JOSD1: variants seen among roughly 807,000 people sequenced by gnomAD.
The protein encoded by JOSD1 is Josephin domain containing 1, also known as josephin-1.
A neutral mutation model predicts 24.3 loss-of-function variants in JOSD1; 11 were observed. The observed-to-expected ratio is 0.45, with a 90% CI of 0.29 to 0.75. The LOEUF (loss-of-function observed/expected upper bound fraction) is 0.75, where lower values mean the gene tolerates loss of function less well. Among genes scored for constraint, JOSD1 ranks in the 30% least tolerant of loss-of-function variants. JOSD1 has a pLI of 0.11. For missense variants in JOSD1, 184 were observed against 253.5 expected (o/e 0.73, Z 1.86); for synonymous variants, 106 against 93.8 (o/e 1.13, Z -0.75).
At position 38,700,632 on chromosome 22, in the gene JOSD1, G is replaced by A; in HGVS notation, c.-631-14C>T. ...CTGGCCGCGGCCCTGCGGAGGAGGA[G>A]ACAACTCCGGTCAGCGGCGAGCGGG... On this transcript the variant is annotated splice_polypyrimidine_tract_variant and intron_variant, in intron 1 of 4. Transcript: ENST00000683374. 6.1e-6 allele frequency: 6 copies of A among 984,358 alleles called. No homozygotes were observed. Among genetic ancestry groups the A allele is most frequent in the Non-Finnish European group, 7.2e-6 (6 of 828,996 alleles). 61.0% of individuals were successfully genotyped at this position (984,358 alleles called of 1,614,324 possible). A position where few individuals can be genotyped will look rare whatever the true frequency, so the allele number is the denominator to read the frequency against.
upstream of JOSD1, chr22:38,700,959 C>A (rs2092567775): frequency 1.0e-6 from 1 of 984,816 alleles, no homozygotes; most frequent in South Asian, 4.7e-5. Context: ...CGGGCGGGCG[C>A]GCGCACCTGA....
chr22:38,698,180 G>A (rs1219770352), intron 2 of JOSD1, among the ~76,000 whole-genome samples: 1 of 152,168 alleles, frequency 6.6e-6, no homozygotes, highest in Non-Finnish European at 1.5e-5. Flanking sequence ...CATGTACTGG[G>A]TCCTCCTTTC....
rs2092503847 is a variant in JOSD1 at position 38,687,704 on chromosome 22, T to C, written c.*198A>G. ...ACTGGCCTTAAGTGCACAGAACTCC[T>C]ACCTTCCTTGCCCAGGAACAAAACA... On this transcript the variant is annotated 3_prime_UTR_variant, in exon 5 of 5. Coordinates refer to ENST00000683374, the MANE Select transcript of JOSD1 (RefSeq NM_001360236.2). 2 of 556,636 alleles carry C rather than the reference T, an allele frequency of 3.6e-6. No homozygotes were observed. The highest frequency in any genetic ancestry group is 3.3e-5 in the Admixed American group (1 of 30,178). The allele number at this position is 556,636 out of a possible 1,614,324, so 34.5% of individuals were successfully genotyped here.
intron 2 of JOSD1, among the ~76,000 whole-genome samples, chr22:38,699,193 C>T (rs1224721896): frequency 6.6e-6 from 1 of 152,242 alleles, no homozygotes; most frequent in Non-Finnish European, 1.5e-5. Flanking sequence ...TATTACCTGA[C>T]CTTTCTGCCT....
chr22:38,696,857 GCTT>G (rs953443729), intron 2 of JOSD1, among the ~76,000 whole-genome samples: 4 of 152,126 alleles, frequency 2.6e-5, no homozygotes, highest in Admixed American at 6.5e-5. Flanking sequence ...TTTGTATTTT[GCTT>G]CTTTTTTCTG....
At chr22:38,689,257 C>T (rs140280253) in intron 3 of JOSD1, 39 bp downstream of exon 3, 338 of 1,613,592 alleles carry the variant, frequency 2.1e-4, no homozygotes, top group Middle Eastern at 1.2e-3. Context: ...ATACCACAAC[C>T]GTGCTGTTCT....
intron 2 of JOSD1, among the ~76,000 whole-genome samples, chr22:38,692,325 A>G (rs1322506724): frequency 6.6e-6 from 1 of 152,196 alleles, no homozygotes; most frequent in Non-Finnish European, 1.5e-5. Flanking sequence ...ATTTGAATCC[A>G]AAGTTATGCT....
rs776687324 is a variant in JOSD1 at position 38,687,938 on chromosome 22, C to T, written c.573G>A (p.Glu191=). Residue 191 remains glutamate, a synonymous_variant, in exon 5 of 5, where the codon GAG becomes GAA. Coordinates refer to ENST00000683374, the MANE Select transcript of JOSD1 (RefSeq NM_001360236.2). ...TCCTCCAACTCTGATGAGCCTCTAC[C>T]TCTTCTGGTACCACCAGCAGGAGTT... ...NCELLLVVPE[E]VEAHQSWRTD... 6.2e-7 allele frequency: 1 copy of T among 1,614,042 alleles called. No individual in the cohort carries two copies. The highest frequency in any genetic ancestry group is 8.5e-7 in the Non-Finnish European group (1 of 1,179,884).
chr22:38,695,452 T>G (rs1054506355), intron 2 of JOSD1, among the ~76,000 whole-genome samples: 3 of 150,598 alleles, frequency 2.0e-5, no homozygotes, highest in Non-Finnish European at 4.4e-5. Flanking sequence ...TAGTTTTTTT[T>G]TTTTTTTTTT....
chr22:38,694,896 G>C (rs1053127902), intron 2 of JOSD1, among the ~76,000 whole-genome samples: 5 of 151,130 alleles, frequency 3.3e-5, no homozygotes, highest in Admixed American at 6.6e-5. Context: ...GTGAAAAGAC[G>C]GGTTCTAGTC....
chr22:38,700,893 G>GGTCCCCTCACCGCAGCCGGCC lies in JOSD1; in HGVS notation c.-746_-726dup. On this transcript the variant is annotated 5_prime_UTR_variant, in exon 1 of 5. Transcript: ENST00000683374. ...GCCGCCGGGACTGCTCGCCGCTGGC[G>GGTCCCCTCACCGCAGCCGGCC]GTCCCCTCACCGCAGCCGGCCGCCA... is the stretch of plus-strand genomic sequence containing the variant. The GGTCCCCTCACCGCAGCCGGCC allele has an allele frequency of 1.0e-6, 1 of 984,510 alleles. No individual in the cohort carries two copies. Among genetic ancestry groups the GGTCCCCTCACCGCAGCCGGCC allele is most frequent in the Non-Finnish European group, 1.2e-6 (1 of 829,644 alleles). The allele number at this position is 984,510 out of a possible 1,614,324, so 61.0% of individuals were successfully genotyped here.
intron 2 of JOSD1, among the ~76,000 whole-genome samples, chr22:38,692,708 G>A (rs2092528183): frequency 6.7e-6 from 1 of 148,886 alleles, no homozygotes; most frequent in African/African-American, 2.5e-5. Context: ...TTGAACCCGG[G>A]AGGCAGAGGT....
chr22:38,695,044 G>A (rs117932236), intron 2 of JOSD1, among the ~76,000 whole-genome samples: 3,386 of 152,038 alleles, frequency 0.022, 50 homozygotes, highest in Middle Eastern at 0.058. Flanking sequence ...TCTTTTCCCC[G>A]CCCTAATTCT....
intron 2 of JOSD1, among the ~76,000 whole-genome samples, chr22:38,691,344 A>G (rs1188270318): frequency 1.3e-5 from 2 of 151,286 alleles, no homozygotes; most frequent in Non-Finnish European, 3.0e-5. Context: ...GTGATAGAGT[A>G]AGACCCTGTC....
In JOSD1 at chr22:38,689,067, A is replaced by G; in HGVS notation, c.377T>C (p.Leu126Pro). Residue 126 changes from leucine to proline, a missense_variant, in exon 4 of 5, where the codon CTA becomes CCA. Transcript: ENST00000683374. ...MGFIMNLPSS[L>P]CWGPLKLPLK... Reference sequence around the variant, plus strand: ...GGGCAGTTTCAGTGGACCCCAGCATAGGCTGGAGGGCAGATTCATGATGAA... The same window carrying G: ...GGGCAGTTTCAGTGGACCCCAGCATGGGCTGGAGGGCAGATTCATGATGAA... The G allele has an allele frequency of 6.2e-7, 1 of 1,614,172 alleles. No individual in the cohort carries two copies. The highest frequency in any genetic ancestry group is 1.1e-5 in the South Asian group (1 of 91,084).
rs2092567160 is a variant in JOSD1 at position 38,700,909 on chromosome 22, C to CCCTCTG, written c.-742_-741insCAGAGG. On this transcript the variant is annotated 5_prime_UTR_variant, in exon 1 of 5. Transcript: ENST00000683374. Reference sequence around the variant, plus strand: ...GCCGCTGGCGGTCCCCTCACCGCAGCCGGCCGCCACCTGGAGTGCGCGCCG... The same window carrying CCCTCTG: ...GCCGCTGGCGGTCCCCTCACCGCAGCCCTCTGCGGCCGCCACCTGGAGTGCGCGCCG... The CCCTCTG allele has an allele frequency of 2.5e-5, 25 of 984,524 alleles. No homozygotes were observed. The highest frequency in any genetic ancestry group is 2.9e-5 in the Non-Finnish European group (24 of 829,648). The allele number at this position is 984,524 out of a possible 1,614,324, so 61.0% of individuals were successfully genotyped here.
At chr22:38,691,245 G>C (rs1214347789) in intron 2 of JOSD1, among the ~76,000 whole-genome samples, 1 of 150,460 alleles carries the variant, frequency 6.6e-6, no homozygotes, top group African/African-American at 2.4e-5. Context: ...TGTGCCTATG[G>C]TCCCAGCTAC....
intron 2 of JOSD1, among the ~76,000 whole-genome samples, chr22:38,691,366 GA>G (rs370232425): frequency 0.025 from 2,765 of 109,116 alleles, 81 homozygotes; most frequent in African/African-American, 0.083. Flanking sequence ...CAAAAAAAAA[GA>G]AAAAAAAAAA....
rs2092511801 is a variant in JOSD1 at position 38,689,292 on chromosome 22, T to C, written c.314+4A>G. On this transcript the variant is annotated splice_donor_region_variant and intron_variant, in intron 3 of 4. Transcript: ENST00000683374. ...TCCATCAAGTCAAGCCTGATTCAGA[T>C]TACCTGCGCTTGTCCCACCAAACAG... 3.1e-6 allele frequency: 5 copies of C among 1,614,130 alleles called. No individual in the cohort carries two copies. The highest frequency in any genetic ancestry group is 2.2e-5 in the East Asian group (1 of 44,906).
Sources: allele counts gnomAD v4.1 joint callset (sites outside exome capture counted in the v4.1 genomes callset), GRCh38; gene constraint gnomAD v4.1.1; transcripts MANE v1.5; gene names NCBI Gene and HGNC (gene_info 2026-07-23, HGNC 2026-07-21).